RHOC: variants seen among roughly 807,000 people sequenced by gnomAD.
RHOC encodes ras homolog family member C.
In RHOC, 13 loss-of-function variants were observed where a neutral mutation model predicts 19.5. That is an observed-to-expected ratio of 0.67 (90% confidence interval 0.43 to 1.06). The LOEUF (loss-of-function observed/expected upper bound fraction) is 1.06, where lower values mean the gene tolerates loss of function less well. RHOC is among the 50% of genes least tolerant of loss of function. The probability of loss-of-function intolerance (pLI) is 0.00; values close to 1 mark genes in which losing one functional copy is unlikely to be tolerated. For missense variants in RHOC, 173 were observed against 256.9 expected (o/e 0.67, Z 2.23); for synonymous variants, 106 against 97.3 (o/e 1.09, Z -0.52).
Position 112,701,328 on chromosome 1 carries a change from T to C in RHOC, c.*212A>G, listed in dbSNP as rs887825672. Reference sequence around the variant, plus strand: ...AAGGGGGCAAGATCCCCAGGGGCCCTGAGGAAGGGCAGGGCATAGGCGTGG... The same window carrying C: ...AAGGGGGCAAGATCCCCAGGGGCCCCGAGGAAGGGCAGGGCATAGGCGTGG... On this transcript the variant is annotated 3_prime_UTR_variant, in exon 6 of 6. Coordinates refer to ENST00000339083, the MANE Select transcript of RHOC (RefSeq NM_175744.5). 3.5e-6 allele frequency: 5 copies of C among 1,409,420 alleles called. No homozygotes were observed. In the African/African-American group the frequency reaches 5.8e-5, roughly 16 times the overall value. The allele number at this position is 1,409,420 out of a possible 1,614,324, so 87.3% of individuals were successfully genotyped here. A position where few individuals can be genotyped will look rare whatever the true frequency, so the allele number is the denominator to read the frequency against.
chr1:112,701,809 C>T (rs1383115293), intron 5 of RHOC, 96 bp from the exon 6 acceptor site: 3 of 1,376,860 alleles, frequency 2.2e-6, no homozygotes, highest in East Asian at 4.7e-5. Flanking sequence ...CAAATGCCTC[C>T]TTCTCCAGCC....
Position 112,701,353 on chromosome 1 carries a change from G to C in RHOC, c.*187C>G. 3 of 1,479,706 alleles carry C rather than the reference G, an allele frequency of 2.0e-6. No homozygotes were observed. Among genetic ancestry groups the C allele is most frequent in the Admixed American group, 2.1e-5 (1 of 46,958 alleles). 91.7% of individuals were successfully genotyped at this position (1,479,706 alleles called of 1,614,324 possible). On this transcript the variant is annotated 3_prime_UTR_variant, in exon 6 of 6. Transcript: ENST00000339083. Reference sequence around the variant, plus strand: ...TGAGGAAGGGCAGGGCATAGGCGTGGCTCCCAGAGCGCTGGGAGGGAGGGC... The same window carrying C: ...TGAGGAAGGGCAGGGCATAGGCGTGCCTCCCAGAGCGCTGGGAGGGAGGGC...
At chr1:112,702,235 C>T (rs116094875) in intron 5 of RHOC, among the ~76,000 whole-genome samples, 2,546 of 152,318 alleles carry the variant, frequency 0.017, 26 homozygotes, top group South Asian at 0.026. Flanking sequence ...ACACCTCCCC[C>T]AGGGGCACTC....
chr1:112,706,430 TA>T (rs1262805170), intron 1 of RHOC, among the ~76,000 whole-genome samples: 1,173 of 49,592 alleles, frequency 0.024, 78 homozygotes, highest in East Asian at 0.11. Flanking sequence ...TCTCTCTCTC[TA>T]CACACACACA....
intron 1 of RHOC, among the ~76,000 whole-genome samples, chr1:112,706,429 CT>C (rs1570835298): frequency 8.9e-4 from 32 of 35,760 alleles, no homozygotes; most frequent in Admixed American, 1.1e-3. Flanking sequence ...CTCTCTCTCT[CT>C]ACACACACAC....
chr1:112,701,265 TA>T lies in RHOC; in HGVS notation c.*274del. 1 of 808,444 alleles carries T rather than the reference TA, an allele frequency of 1.2e-6. No individual in the cohort carries two copies. 50.1% of individuals were successfully genotyped at this position (808,444 alleles called of 1,614,324 possible). On this transcript the variant is annotated 3_prime_UTR_variant, in exon 6 of 6. Transcript: ENST00000339083. ...CACTTTCCTGTGAGCCAGAAGTGTA[TA>T]AAGTGCTGGTGTGTGACCATCCTTT...
At chr1:112,704,947 C>T in intron 2 of RHOC, 153 bp downstream of exon 2, 1 of 633,418 alleles carries the variant, frequency 1.6e-6, no homozygotes, top group South Asian at 1.8e-5. Flanking sequence ...ACCCGCATGC[C>T]CTGCCCACCC....
At position 112,703,628 on chromosome 1, in the gene RHOC, G is replaced by T; in HGVS notation, c.156+16C>A. 2 of 1,606,822 alleles carry T rather than the reference G, an allele frequency of 1.2e-6. No individual in the cohort carries two copies. The highest frequency in any genetic ancestry group is 1.7e-6 in the Non-Finnish European group (2 of 1,175,834). On this transcript the variant is annotated intron_variant, in intron 3 of 5. Transcript: ENST00000339083. Reference sequence around the variant, plus strand: ...GGGGTCTCAGGGTGGGGTGGGAAGGGCATTTCTGCCTTCACCTGCTTGCCG... The same window carrying T: ...GGGGTCTCAGGGTGGGGTGGGAAGGTCATTTCTGCCTTCACCTGCTTGCCG...
At chr1:112,706,272 T>C (rs1160486279) in intron 1 of RHOC, 2 of 152,452 alleles carry the variant, frequency 1.3e-5, no homozygotes, top group African/African-American at 4.8e-5. Flanking sequence ...GAATCCGTTC[T>C]GGAGATACCA....
At chr1:112,706,485 C>CT in intron 1 of RHOC, among the ~76,000 whole-genome samples, 1 of 19,924 alleles carries the variant, frequency 5.0e-5, no homozygotes, top group Admixed American at 7.5e-4. Context: ...CACACACACA[C>CT]ACACACACAC....
intron 1 of RHOC, among the ~76,000 whole-genome samples, chr1:112,706,430 T>C (rs866449128): frequency 1.8e-4 from 9 of 49,690 alleles, no homozygotes; most frequent in Non-Finnish European, 2.0e-4. Flanking sequence ...TCTCTCTCTC[T>C]ACACACACAC....
At chr1:112,706,437 A>ACACACACACACACACAC in intron 1 of RHOC, among the ~76,000 whole-genome samples, 1 of 27,704 alleles carries the variant, frequency 3.6e-5, no homozygotes, top group East Asian at 5.1e-4. Flanking sequence ...CTCTACACAC[A>ACACACACACACACACAC]CACACACACA....
intron 4 of RHOC, 90 bp from the exon 5 acceptor site, chr1:112,702,783 A>G (rs2101460917): frequency 1.3e-6 from 2 of 1,545,628 alleles, no homozygotes; most frequent in East Asian, 2.2e-5. Context: ...GAGCAGTCTT[A>G]GAAGCCATTC....
chr1:112,704,909 A>G (rs1407547454), intron 2 of RHOC, 191 bp downstream of exon 2: 3 of 607,606 alleles, frequency 4.9e-6, no homozygotes, highest in African/African-American at 1.8e-5. Flanking sequence ...CCACTCTGGA[A>G]CAGCCCCTTC....
intron 1 of RHOC, among the ~76,000 whole-genome samples, chr1:112,706,461 ACACCACAC>A (rs1674867146): frequency 9.1e-5 from 1 of 10,980 alleles, no homozygotes; most frequent in African/African-American, 2.9e-4. Flanking sequence ...ACACACACAC[ACACCACAC>A]ACACACACAC....
chr1:112,706,429 CTACACA>C (rs1315989620), intron 1 of RHOC, among the ~76,000 whole-genome samples: 16 of 35,774 alleles, frequency 4.5e-4, no homozygotes, highest in Admixed American at 1.4e-3. Context: ...CTCTCTCTCT[CTACACA>C]CACACACACA....
At chr1:112,702,849 G>A in intron 4 of RHOC, 150 bp downstream of exon 4, 4 of 1,342,288 alleles carry the variant, frequency 3.0e-6, no homozygotes, top group East Asian at 4.6e-5. Flanking sequence ...CCCTCAGAGG[G>A]CCAGTTACCA....
At position 112,702,990 on chromosome 1, in the gene RHOC, T is replaced by C; in HGVS notation, c.277+9A>G. ...GGGGTTCTCAGTCCCCTCCCTCCAATCCCCTCACCCAGGCTGTCAGGGCTG... is the reference window on the plus strand; with the variant it reads ...GGGGTTCTCAGTCCCCTCCCTCCAACCCCCTCACCCAGGCTGTCAGGGCTG... On this transcript the variant is annotated intron_variant, in intron 4 of 5. Coordinates refer to ENST00000339083, the MANE Select transcript of RHOC (RefSeq NM_175744.5). The C allele has an allele frequency of 6.9e-7, 1 of 1,443,472 alleles. No individual in the cohort carries two copies. Among genetic ancestry groups the C allele is most frequent in the Non-Finnish European group, 9.3e-7 (1 of 1,073,070 alleles). The allele number at this position is 1,443,472 out of a possible 1,614,324, so 89.4% of individuals were successfully genotyped here.
intron 2 of RHOC, among the ~76,000 whole-genome samples, 194 bp from the exon 3 acceptor site, chr1:112,704,000 T>G (rs1405038019): frequency 6.6e-6 from 1 of 152,064 alleles, no homozygotes; most frequent in Non-Finnish European, 1.5e-5. Context: ...CAGGGACAGG[T>G]CTCCCTCGAT....
Sources: gnomAD v4.1 joint callset for allele counts (sites outside exome capture counted in the v4.1 genomes callset) on GRCh38, gnomAD v4.1.1 for gene constraint, MANE v1.5 for transcripts, NCBI Gene and HGNC (gene_info 2026-07-23, HGNC 2026-07-21) for gene names.